Variants in STK3 observed in about 807,000 individuals in gnomAD.
STK3 encodes the protein serine/threonine kinase 3, also known as serine/threonine-protein kinase 3.
A neutral mutation model predicts 58.0 loss-of-function variants in STK3; 41 were observed. That is an observed-to-expected ratio of 0.71 (90% confidence interval 0.55 to 0.92). The LOEUF (loss-of-function observed/expected upper bound fraction) is 0.92, where lower values mean the gene tolerates loss of function less well. Among genes scored for constraint, STK3 ranks in the 40% least tolerant of loss-of-function variants. STK3 has a pLI of 0.00. For synonymous variants in STK3, 170 were observed against 191.0 expected, an observed-to-expected ratio of 0.89 and a Z score of 0.91; for missense variants, 479 against 602.7, an observed-to-expected ratio of 0.79 and a Z score of 2.15.
At chr8:98,904,506 A>T (rs1310724388) in intron 1 of STK3, 2 of 391,468 alleles carry the variant, frequency 5.1e-6, no homozygotes, top group African/African-American at 4.2e-5. Context: ...GAAGCAATGG[A>T]AACATCCTGG....
At chr8:98,713,763 C>A (rs1199283747) in intron 4 of STK3, among the ~76,000 whole-genome samples, 3 of 152,148 alleles carry the variant, frequency 2.0e-5, no homozygotes, top group Non-Finnish European at 4.4e-5. Flanking sequence ...GGGAATCCTC[C>A]CTAACTCATT....
At chr8:98,409,494 G>A (rs1227092094) in intron 3 of STK3, among the ~76,000 whole-genome samples, 1 of 152,202 alleles carries the variant, frequency 6.6e-6, no homozygotes, top group East Asian at 1.9e-4. Context: ...TGTCTGGCCA[G>A]CAAAGGCCTT....
intron 6 of STK3, among the ~76,000 whole-genome samples, chr8:98,637,736 A>G (rs1819722660): frequency 6.6e-6 from 1 of 152,152 alleles, no homozygotes; most frequent in Non-Finnish European, 1.5e-5. Flanking sequence ...TTTTTTATGT[A>G]TTACAGTTTT....
At chr8:98,716,522 A>G (rs185752402) in intron 4 of STK3, among the ~76,000 whole-genome samples, 172 of 152,268 alleles carry the variant, frequency 1.1e-3, no homozygotes, top group African/African-American at 3.9e-3. Context: ...GCTGAAAAAA[A>G]ATTTTAGGAC....
chr8:98,593,592 A>G (rs1815524534), intron 7 of STK3, among the ~76,000 whole-genome samples: 1 of 152,184 alleles, frequency 6.6e-6, no homozygotes, highest in Admixed American at 6.5e-5. Flanking sequence ...TTCTAACAGG[A>G]GCACAAACCC....
chr8:98,922,194 T>G (rs1464444257), intron 1 of STK3, among the ~76,000 whole-genome samples: 1 of 152,228 alleles, frequency 6.6e-6, no homozygotes, highest in Non-Finnish European at 1.5e-5. Context: ...CCTTTCTTCC[T>G]TCTTCTTGCT....
chr8:98,771,015 G>A (rs1362694709), intron 2 of STK3, among the ~76,000 whole-genome samples: 1 of 152,038 alleles, frequency 6.6e-6, no homozygotes, highest in Non-Finnish European at 1.5e-5. Context: ...GAGGGGAGGA[G>A]GTGAAATACA....
intron 4 of STK3, among the ~76,000 whole-genome samples, chr8:98,745,816 T>G (rs1829602434): frequency 6.6e-6 from 1 of 152,152 alleles, no homozygotes; most frequent in Non-Finnish European, 1.5e-5. Context: ...ATGTGTCACC[T>G]GACAACATGG....
At chr8:98,704,283 A>G (rs1393507962) in intron 6 of STK3, among the ~76,000 whole-genome samples, 1 of 152,224 alleles carries the variant, frequency 6.6e-6, no homozygotes, top group Non-Finnish European at 1.5e-5. Flanking sequence ...TGATCTCAAC[A>G]GCTTCCAATA....
chr8:98,449,876 C>T (rs1227879089), downstream of STK3, among the ~76,000 whole-genome samples: 7 of 152,096 alleles, frequency 4.6e-5, no homozygotes, highest in Non-Finnish European at 8.8e-5. Flanking sequence ...TCATATTTAC[C>T]CCTTTTCAAA....
At chr8:98,635,891 T>C (rs922576966) in intron 6 of STK3, among the ~76,000 whole-genome samples, 1 of 152,164 alleles carries the variant, frequency 6.6e-6, no homozygotes, top group African/African-American at 2.4e-5. Flanking sequence ...ATCTTTCCCC[T>C]ATTACTTACG....
At chr8:98,850,393 C>T (rs1836411903) in intron 3 of STK3, among the ~76,000 whole-genome samples, 1 of 152,098 alleles carries the variant, frequency 6.6e-6, no homozygotes, top group Non-Finnish European at 1.5e-5. Flanking sequence ...GGGACAAGGA[C>T]CCTGTCTTCA....
At position 98,377,141 on chromosome 8, in the gene STK3, T is replaced by C. The variant is rs74898848; in HGVS notation, n.111+2012A>G. Among the ~76,000 whole-genome samples the C allele has an allele frequency of 5.4e-3, 823 of 152,294 alleles. 11 individuals are homozygous for C. Among genetic ancestry groups the C allele is most frequent in the African/African-American group, 0.019 (781 of 41,554 alleles). On this transcript the variant is annotated intron_variant and non_coding_transcript_variant, in intron 2 of 2. Coordinates refer to the STK3 transcript ENST00000518704. ...GTGAGGCCTAGCCTAGCCATGTTAA[T>C]GAACACAGCAATCAATTCCCCTTAA...
intron 1 of STK3, among the ~76,000 whole-genome samples, chr8:98,802,789 CT>C (rs1312239072): frequency 1.3e-5 from 2 of 152,054 alleles, no homozygotes; most frequent in African/African-American, 4.8e-5. Context: ...TTGCAGAAAA[CT>C]CATTGATATA....
chr8:98,922,307 A>G (rs1839596234), intron 1 of STK3, among the ~76,000 whole-genome samples: 1 of 152,232 alleles, frequency 6.6e-6, no homozygotes, highest in South Asian at 2.1e-4. Context: ...ATTGTAGAGG[A>G]GAAATAAAAA....
chr8:98,686,792 G>C lies in STK3; in HGVS notation c.684+19675C>G, dbSNP rs566516031. ...CTAGAGGAATCTCAAAATACAGTTG[G>C]AAGCCTTAACAACAGACTAAACCAA... On this transcript the variant is annotated intron_variant, in intron 6 of 10. Transcript: ENST00000419617. Among the ~76,000 whole-genome samples, 12 of 152,194 alleles carry C rather than the reference G, an allele frequency of 7.9e-5. No homozygotes were observed. In the East Asian group the frequency reaches 1.9e-3, roughly 24 times the overall value.
At chr8:98,387,630 C>A (rs1295826559) in intron 1 of STK3, among the ~76,000 whole-genome samples, 1 of 152,168 alleles carries the variant, frequency 6.6e-6, no homozygotes. Context: ...TGCCTGTAAT[C>A]CCAGCTACTC....
chr8:98,824,513 T>C (rs1016656635), intron 1 of STK3, among the ~76,000 whole-genome samples: 2 of 152,226 alleles, frequency 1.3e-5, no homozygotes, highest in African/African-American at 4.8e-5. Flanking sequence ...ATGAGTAGAA[T>C]GCAGGTAACT....
At chr8:98,396,485 A>C (rs1411221949), downstream of STK3, among the ~76,000 whole-genome samples, 1 of 152,178 alleles carries the variant, frequency 6.6e-6, no homozygotes, top group African/African-American at 2.4e-5. Context: ...ATGGCTTGGG[A>C]GGAGGCAGTC....
Sources: gnomAD v4.1 joint callset for allele counts (sites outside exome capture counted in the v4.1 genomes callset) on GRCh38, gnomAD v4.1.1 for gene constraint, MANE v1.5 for transcripts, NCBI Gene and HGNC (gene_info 2026-07-23, HGNC 2026-07-21) for gene names.